The following SEH1L variants were observed in gnomAD, a reference collection of about 807,000 sequenced individuals.
SEH1L encodes the protein SEH1 like nucleoporin.
In SEH1L, 18 loss-of-function variants were observed where a neutral mutation model predicts 49.5. The observed-to-expected ratio is 0.36, with a 90% CI of 0.25 to 0.54. SEH1L has a LOEUF of 0.54. SEH1L is among the 20% of genes least tolerant of loss of function. The probability of loss-of-function intolerance (pLI) is 0.87; values close to 1 mark genes in which losing one functional copy is unlikely to be tolerated. For synonymous variants in SEH1L, 169 were observed against 178.1 expected (o/e 0.95, Z 0.41); for missense variants, 404 against 528.8 (o/e 0.76, Z 2.31).
chr18:12,985,648 T>G (rs1048494334), intron 8 of SEH1L: 1 of 987,612 alleles, frequency 1.0e-6, no homozygotes, highest in Admixed American at 6.0e-5. Flanking sequence ...TCTTTTGCTT[T>G]CTTAAAACAG....
chr18:12,981,191 C>T (rs1415785321), intron 6 of SEH1L, among the ~76,000 whole-genome samples: 1 of 151,874 alleles, frequency 6.6e-6, no homozygotes, highest in Non-Finnish European at 1.5e-5. Flanking sequence ...GGGATGGCGG[C>T]CGGGCAGAGA....
intron 2 of SEH1L, 41 bp downstream of exon 2, chr18:12,951,946 T>C (rs928646677): frequency 9.1e-7 from 1 of 1,093,024 alleles, no homozygotes; most frequent in Admixed American, 2.4e-5. Flanking sequence ...TACAGAAATA[T>C]TTACTGTTTA....
chr18:12,985,521 G>T, intron 8 of SEH1L: 2 of 1,215,786 alleles, frequency 1.6e-6, no homozygotes, highest in Non-Finnish European at 2.0e-6. Context: ...ACAATTTTTT[G>T]AAATGTTCCT....
rs1347869451 is a variant in SEH1L, at chr18:12,956,157, A to G, written c.309+548A>G. Among the ~76,000 whole-genome samples, 7 of 151,086 alleles carry G rather than the reference A, an allele frequency of 4.6e-5. No homozygotes were observed. The South Asian group carries it at 1.3e-3, about 27-fold the overall frequency. ...CCTCCCGGGTTCACGCCATTCTCCT[A>G]CCTCAGCCTCCTGAGTAGCTGGGAC... On this transcript the variant is annotated intron_variant, in intron 3 of 8. Coordinates refer to ENST00000399892, the MANE Select transcript of SEH1L (RefSeq NM_001013437.2).
In SEH1L at chr18:12,955,544, A is replaced by C; in HGVS notation, c.244A>C (p.Thr82Pro). The change falls in exon 3 of 9, where the codon ACA becomes CCA. Residue 82 changes from threonine to proline, a missense_variant. Physicochemically the swap from Thr to Pro is conservative, Grantham distance 38. Coordinates refer to ENST00000399892, the MANE Select transcript of SEH1L (RefSeq NM_001013437.2). ...TTTGGCTTCCTGTTCTTTTGACCGA[A>C]CAGCTGCTGTATGGGAAGAAATAGT... ...QVLASCSFDR[T>P]AAVWEEIVGE... The C allele has an allele frequency of 6.2e-7, 1 of 1,613,928 alleles. No homozygotes were observed. The highest frequency in any genetic ancestry group is 8.5e-7 in the Non-Finnish European group (1 of 1,179,956).
At chr18:12,975,029 G>A (rs1190240036) in intron 5 of SEH1L, among the ~76,000 whole-genome samples, 2 of 149,950 alleles carry the variant, frequency 1.3e-5, no homozygotes, top group Non-Finnish European at 3.0e-5. Context: ...TTTCACTCTT[G>A]TTGCCCAGGT....
At chr18:12,986,259 T>G (rs2032452820) in intron 8 of SEH1L, 1 of 985,286 alleles carries the variant, frequency 1.0e-6, no homozygotes, top group African/African-American at 1.7e-5. Context: ...AGTTACAAGA[T>G]GGAAGAAGAA....
intron 3 of SEH1L, among the ~76,000 whole-genome samples, chr18:12,956,410 GC>G (rs1464102575): frequency 1.3e-5 from 2 of 149,856 alleles, no homozygotes; most frequent in Admixed American, 6.6e-5. Flanking sequence ...TTCAGGATGG[GC>G]CCATGTCACA....
intron 4 of SEH1L, among the ~76,000 whole-genome samples, chr18:12,968,098 C>T (rs2031533254): frequency 6.6e-6 from 1 of 152,076 alleles, no homozygotes; most frequent in African/African-American, 2.4e-5. Context: ...ACTTGTTTTT[C>T]TTGGGTGTCT....
chr18:12,957,526 T>G lies in SEH1L; in HGVS notation c.309+1917T>G, dbSNP rs117928661. Among the ~76,000 whole-genome samples the G allele has an allele frequency of 7.0e-3, 1,060 of 152,356 alleles. 16 individuals carry two copies. Among genetic ancestry groups the G allele is most frequent in the East Asian group, 0.05 (259 of 5,192 alleles). ...ATTTGGGCAAGAACATAATATAATC[T>G]GTGTGCTGTTGAAGTTCCTCATCTA... is the stretch of plus-strand genomic sequence containing the variant. On this transcript the variant is annotated intron_variant, in intron 3 of 8. Transcript: ENST00000399892.
chr18:12,960,574 A>C (rs1374337682), intron 3 of SEH1L, among the ~76,000 whole-genome samples: 1 of 152,076 alleles, frequency 6.6e-6, no homozygotes, highest in Non-Finnish European at 1.5e-5. Flanking sequence ...TCAGGGGAGG[A>C]GTATGTCTGA....
chr18:12,982,701 G>A (rs768019548), intron 7 of SEH1L, 26 bp downstream of exon 7: 52 of 1,545,660 alleles, frequency 3.4e-5, no homozygotes, highest in Non-Finnish European at 4.4e-5. Flanking sequence ...AGGGGTAATT[G>A]TTGGTTTATA....
chr18:12,974,117 A>C (rs541864557), intron 5 of SEH1L: 33 of 151,718 alleles, frequency 2.2e-4, no homozygotes, highest in African/African-American at 7.7e-4. Context: ...GGTGTGTGCT[A>C]TTGACTTGGG....
intron 7 of SEH1L, 103 bp downstream of exon 7, chr18:12,982,778 GTTACTT>G: frequency 1.1e-6 from 1 of 886,708 alleles, no homozygotes; most frequent in Non-Finnish European, 1.7e-6. Context: ...GTCTTTTACA[GTTACTT>G]TTAATGTCAT....
At chr18:12,950,569 T>C (rs2030460210) in intron 1 of SEH1L, among the ~76,000 whole-genome samples, 1 of 152,218 alleles carries the variant, frequency 6.6e-6, no homozygotes, top group Non-Finnish European at 1.5e-5. Flanking sequence ...GAAATAGTGT[T>C]GTACTGAAAT....
chr18:12,957,480 T>C (rs1230334772), intron 3 of SEH1L, among the ~76,000 whole-genome samples: 1 of 152,240 alleles, frequency 6.6e-6, no homozygotes, highest in Non-Finnish European at 1.5e-5. Flanking sequence ...TATCGCTGTC[T>C]TTGCCTTATT....
Position 12,970,390 on chromosome 18 carries a change from C to T in SEH1L, c.522-763C>T, listed in dbSNP as rs893682219. The stretch of plus-strand genomic sequence containing the variant: ...GTGACTTCTGCAGGGGTAGTCTTTT[C>T]CACTTTTCCCCTGTCCATCTGTTTT... On this transcript the variant is annotated intron_variant, in intron 4 of 8. Transcript: ENST00000399892. Among the ~76,000 whole-genome samples, 4 of 152,216 alleles carry T rather than the reference C, an allele frequency of 2.6e-5. No homozygotes were observed. In the South Asian group the frequency reaches 8.3e-4, roughly 32 times the overall value.
chr18:12,961,991 A>G (rs1233939749), intron 3 of SEH1L, among the ~76,000 whole-genome samples: 1 of 152,156 alleles, frequency 6.6e-6, no homozygotes, highest in East Asian at 1.9e-4. Flanking sequence ...GTAAAGTTTC[A>G]TCTTATCTGT....
Position 12,964,721 on chromosome 18 carries a change from C to T in SEH1L, c.521+1350C>T, listed in dbSNP as rs1292037287. Among the ~76,000 whole-genome samples, 9 of 149,938 alleles carry T rather than the reference C, an allele frequency of 6.0e-5. No individual in the cohort carries two copies. In the South Asian group the frequency reaches 6.3e-4, roughly 11 times the overall value. On this transcript the variant is annotated intron_variant, in intron 4 of 8. Transcript: ENST00000399892. ...CATGATCTCGGCTCACTGCAAGCTC[C>T]GCCTCCTGGGTTCAAACGATTCTCC...
Sources: allele counts gnomAD v4.1 joint callset (sites outside exome capture counted in the v4.1 genomes callset), GRCh38; gene constraint gnomAD v4.1.1; transcripts MANE v1.5; gene names NCBI Gene and HGNC (gene_info 2026-07-23, HGNC 2026-07-21).